Variants in GLIS3 observed in about 807,000 individuals in gnomAD.
GLIS3 encodes GLIS family zinc finger 3.
In GLIS3, 53 loss-of-function variants were observed where a neutral mutation model predicts 78.6. That is an observed-to-expected ratio of 0.67 (90% CI 0.54 to 0.85). GLIS3 has a LOEUF of 0.85. Ranked by LOEUF, GLIS3 falls within the 40% of genes least tolerant of loss-of-function variation. The pLI, the probability that GLIS3 is intolerant of heterozygous loss-of-function variation, is 0.00. For missense variants in GLIS3, 1,703 were observed against 1,231.1 expected (o/e 1.38, Z -5.74); for synonymous variants, 684 against 509.9 (o/e 1.34, Z -4.60).
chr9:4,333,122 T>C (rs1817708970), intron 2 of GLIS3, among the ~76,000 whole-genome samples: 1 of 152,124 alleles, frequency 6.6e-6, no homozygotes, highest in Non-Finnish European at 1.5e-5. Context: ...TGCTGCACTC[T>C]TATAGTCCTA....
At chr9:4,013,813 C>A (rs1822227549) in intron 4 of GLIS3, among the ~76,000 whole-genome samples, 1 of 152,170 alleles carries the variant, frequency 6.6e-6, no homozygotes, top group Non-Finnish European at 1.5e-5. Context: ...GAGATAAAAT[C>A]TGGATGATCC....
At chr9:4,380,073 C>T in the GLIS3 span, among the ~76,000 whole-genome samples, 1 of 152,134 alleles carries the variant, frequency 6.6e-6, no homozygotes, top group Non-Finnish European at 1.5e-5. Flanking sequence ...ATCTGTAGTG[C>T]ATCAATATCT....
chr9:4,027,363 T>C (rs1425113932), intron 4 of GLIS3, among the ~76,000 whole-genome samples: 2 of 152,242 alleles, frequency 1.3e-5, no homozygotes, highest in East Asian at 3.8e-4. Flanking sequence ...TTTGCTAAAA[T>C]AGTTCACAAT....
chr9:4,043,471 C>G (rs1824999316), intron 4 of GLIS3, among the ~76,000 whole-genome samples: 1 of 151,902 alleles, frequency 6.6e-6, no homozygotes, highest in African/African-American at 2.4e-5. Flanking sequence ...TTTGGGGTGA[C>G]TGGCAGGCTG....
At chr9:4,488,184 G>A in the GLIS3 span, among the ~76,000 whole-genome samples, 4 of 151,832 alleles carry the variant, frequency 2.6e-5, no homozygotes, top group Non-Finnish European at 5.9e-5. Flanking sequence ...TAAACTCCTG[G>A]GCTTAAGCAG....
intron 4 of GLIS3, among the ~76,000 whole-genome samples, chr9:4,079,588 A>C (rs1402398766): frequency 6.6e-6 from 1 of 152,218 alleles, no homozygotes; most frequent in Admixed American, 6.5e-5. Context: ...GGATGCCGTT[A>C]AAGTCACAAC....
intron 6 of GLIS3, among the ~76,000 whole-genome samples, chr9:3,905,869 G>C (rs1823660457): frequency 6.6e-6 from 1 of 152,022 alleles, no homozygotes; most frequent in African/African-American, 2.4e-5. Context: ...ACTCCTTCCA[G>C]AGAGCTCAGT....
intron 2 of GLIS3, among the ~76,000 whole-genome samples, chr9:4,219,957 G>A (rs1008050824): frequency 3.9e-5 from 6 of 152,136 alleles, no homozygotes; most frequent in Non-Finnish European, 8.8e-5. Context: ...AGCTCTCTGT[G>A]GAAATGGCTG....
the GLIS3 span, among the ~76,000 whole-genome samples, chr9:4,438,379 G>A: frequency 1.3e-5 from 2 of 152,090 alleles, no homozygotes; most frequent in Non-Finnish European, 2.9e-5. Context: ...AGCAATTAAA[G>A]GCAAAATGAC....
chr9:3,831,226 C>T (rs376345960), intron 9 of GLIS3, among the ~76,000 whole-genome samples: 13 of 152,270 alleles, frequency 8.5e-5, no homozygotes, highest in South Asian at 4.1e-4. Context: ...GGAAATTCCA[C>T]GTCAAGCCAG....
intron 2 of GLIS3, among the ~76,000 whole-genome samples, chr9:4,141,121 C>T (rs1315389494): frequency 6.6e-6 from 1 of 152,098 alleles, no homozygotes; most frequent in Non-Finnish European, 1.5e-5. Flanking sequence ...CTCTCACAGT[C>T]TTGTGTAGAA....
chr9:4,111,244 C>T (rs1286900417), intron 4 of GLIS3, among the ~76,000 whole-genome samples: 2 of 152,140 alleles, frequency 1.3e-5, no homozygotes, highest in African/African-American at 4.8e-5. Context: ...CTAAAAGGAA[C>T]ATTAACCATC....
intron 4 of GLIS3, among the ~76,000 whole-genome samples, chr9:4,048,306 C>A (rs1247959840): frequency 6.6e-6 from 1 of 152,044 alleles, no homozygotes; most frequent in African/African-American, 2.4e-5. Context: ...ACATGTTTAG[C>A]AGAAGATGGA....
chr9:4,394,218 G>T, the GLIS3 span, among the ~76,000 whole-genome samples: 1 of 151,478 alleles, frequency 6.6e-6, no homozygotes, highest in East Asian at 1.9e-4. Context: ...AGGATTTTTA[G>T]ATTTTCTTTT....
upstream of GLIS3, among the ~76,000 whole-genome samples, chr9:4,300,348 A>G (rs116731933): frequency 2.6e-3 from 384 of 146,494 alleles, 1 homozygote; most frequent in African/African-American, 0.01. Context: ...TTATTTTAAC[A>G]TGAAAAAGTG....
At chr9:4,076,504 T>C (rs1280345539) in intron 4 of GLIS3, among the ~76,000 whole-genome samples, 1 of 152,156 alleles carries the variant, frequency 6.6e-6, no homozygotes, top group Non-Finnish European at 1.5e-5. Flanking sequence ...GTACTATAAT[T>C]AGTATATTCT....
At chr9:4,386,208 A>G in the GLIS3 span, among the ~76,000 whole-genome samples, 1 of 152,204 alleles carries the variant, frequency 6.6e-6, no homozygotes, top group African/African-American at 2.4e-5. Context: ...CACCCTACTC[A>G]GAAGGAGCTT....
intron 2 of GLIS3, among the ~76,000 whole-genome samples, chr9:4,142,671 A>T (rs902746429): frequency 6.6e-6 from 1 of 152,210 alleles, no homozygotes; most frequent in African/African-American, 2.4e-5. Context: ...AATCCCCAAA[A>T]GTCATCGGGT....
chr9:4,280,128 T>A (rs1316179425), intron 2 of GLIS3, among the ~76,000 whole-genome samples: 5 of 152,176 alleles, frequency 3.3e-5, no homozygotes, highest in African/African-American at 1.2e-4. Flanking sequence ...CAAGTGATCC[T>A]CCCACCTCGG....
Sources: allele counts gnomAD v4.1 joint callset (sites outside exome capture counted in the v4.1 genomes callset), GRCh38; gene constraint gnomAD v4.1.1; transcripts MANE v1.5; gene names NCBI Gene and HGNC (gene_info 2026-07-23, HGNC 2026-07-21).